The following UPF1 variants were observed in gnomAD, a reference collection of about 807,000 sequenced individuals.
UPF1 encodes UPF1 RNA helicase and ATPase.
A neutral mutation model predicts 129.2 loss-of-function variants in UPF1; 9 were observed. The ratio of observed to expected loss-of-function variants is 0.07; its 90% CI spans 0.04 to 0.12. UPF1 has a LOEUF of 0.12. Among genes scored for constraint, UPF1 ranks in the 10% least tolerant of loss-of-function variants. UPF1 has a pLI of 1.00. For synonymous variants in UPF1, 649 were observed against 644.9 expected, an observed-to-expected ratio of 1.01 and a Z score of -0.10; for missense variants, 788 against 1,525.3, an observed-to-expected ratio of 0.52 and a Z score of 8.05.
chr19:18,855,333 CACACCGA>C, intron 11 of UPF1, 91 bp downstream of exon 11: 4 of 1,424,426 alleles, frequency 2.8e-6, no homozygotes, highest in Non-Finnish European at 3.8e-6. Flanking sequence ...TGGGCTCTGT[CACACCGA>C]AGAGAGCACG....
At position 18,867,943 on chromosome 19, in the gene UPF1, C is replaced by G. The variant is rs1268492304; in HGVS notation, c.*1426C>G. 1 of 152,904 alleles carries G rather than the reference C, an allele frequency of 6.5e-6. No individual in the cohort carries two copies. Among genetic ancestry groups the G allele is most frequent in the Non-Finnish European group, 1.5e-5 (1 of 68,524 alleles). 9.5% of individuals were successfully genotyped at this position (152,904 alleles called of 1,614,324 possible). On this transcript the variant is annotated 3_prime_UTR_variant, in exon 24 of 24. Transcript: ENST00000262803. ...TTCTGGCAGGGACTCTTATTTATTC[C>G]CATTGCTCTAGGGCTTTCGGTTTCC... is the stretch of plus-strand genomic sequence containing the variant.
intron 1 of UPF1, among the ~76,000 whole-genome samples, chr19:18,842,947 A>G (rs2055557076): frequency 6.6e-6 from 1 of 151,936 alleles, no homozygotes; most frequent in Non-Finnish European, 1.5e-5. Context: ...AGATCGCGCC[A>G]TTGCACTCCA....
At chr19:18,858,729 A>T (rs2055745012) in intron 15 of UPF1, among the ~76,000 whole-genome samples, 2 of 152,120 alleles carry the variant, frequency 1.3e-5, no homozygotes, top group Admixed American at 1.3e-4. Flanking sequence ...ATTCAGCCAG[A>T]TAGTAAGGAG....
intron 11 of UPF1, chr19:18,855,469 A>G (rs998861457): frequency 1.7e-6 from 1 of 600,776 alleles, no homozygotes; most frequent in Non-Finnish European, 2.9e-6. Context: ...AACTGGGGGC[A>G]GGGGGGGCAT....
intron 15 of UPF1, chr19:18,859,485 A>G (rs1012357411): frequency 1.3e-5 from 2 of 152,186 alleles, no homozygotes; most frequent in African/African-American, 2.4e-5. Context: ...GTGCGCATCC[A>G]CAGCAGCCCC....
At chr19:18,837,817 C>A (rs1038623676) in intron 1 of UPF1, among the ~76,000 whole-genome samples, 7 of 152,138 alleles carry the variant, frequency 4.6e-5, no homozygotes, top group Non-Finnish European at 8.8e-5. Flanking sequence ...ATAGTCATCT[C>A]GTACTGGGAT....
intron 1 of UPF1, among the ~76,000 whole-genome samples, chr19:18,834,377 A>T (rs1438650816): frequency 6.6e-6 from 1 of 152,174 alleles, no homozygotes; most frequent in Non-Finnish European, 1.5e-5. Flanking sequence ...GGCAGCCTTT[A>T]GTTCTGCTTT....
At chr19:18,842,112 T>C (rs564048919) in intron 1 of UPF1, among the ~76,000 whole-genome samples, 250 of 152,034 alleles carry the variant, frequency 1.6e-3, no homozygotes, top group Non-Finnish European at 3.1e-3. Context: ...AATAAAGGAA[T>C]GGAGAGCCTG....
rs1601110847 is a variant in UPF1, at chr19:18,851,131, T to G, written c.810+263T>G. ...TGGAATTTTTCTTGTCTTGCCGGGG[T>G]GAGGATGGGTGGTGGGAGGGGAAGA... is the stretch of plus-strand genomic sequence containing the variant. On this transcript the variant is annotated intron_variant, in intron 5 of 23. Transcript: ENST00000262803. This position sits in a 1 kb window ranked among gnomAD's most constrained non-coding sequence, Gnocchi z 4.2. 1 of 357,694 alleles carries G rather than the reference T, an allele frequency of 2.8e-6. No homozygotes were observed. Among genetic ancestry groups the G allele is most frequent in the Non-Finnish European group, 5.1e-6 (1 of 196,914 alleles). 22.2% of individuals were successfully genotyped at this position (357,694 alleles called of 1,614,324 possible).
chr19:18,852,757 G>A (rs2055674597), intron 6 of UPF1, among the ~76,000 whole-genome samples: 1 of 151,718 alleles, frequency 6.6e-6, no homozygotes, highest in Non-Finnish European at 1.5e-5. Context: ...CCTCTGGTGT[G>A]CGGTGAAGCC....
At chr19:18,844,441 A>G (rs1244358026) in intron 1 of UPF1, among the ~76,000 whole-genome samples, 2 of 151,294 alleles carry the variant, frequency 1.3e-5, no homozygotes, top group Admixed American at 1.3e-4. Context: ...CTCCTGTCTC[A>G]GCCTCCCAAG....
At chr19:18,840,566 C>T (rs2055530745) in intron 1 of UPF1, among the ~76,000 whole-genome samples, 1 of 152,118 alleles carries the variant, frequency 6.6e-6, no homozygotes, top group Admixed American at 6.5e-5. Context: ...GATAGTCTAG[C>T]TTGGCAGAGA....
At chr19:18,854,306 C>T (rs767473415) in intron 8 of UPF1, among the ~76,000 whole-genome samples, 24 of 152,308 alleles carry the variant, frequency 1.6e-4, no homozygotes, top group Admixed American at 6.5e-4. Flanking sequence ...GCTTCGCTGC[C>T]GCCCTCTGCG....
intron 15 of UPF1, among the ~76,000 whole-genome samples, chr19:18,858,780 C>T (rs11667922): frequency 0.03 from 4,548 of 152,166 alleles, 86 homozygotes; most frequent in East Asian, 0.1. Context: ...TCTTACTTAG[C>T]TTATTTTTGG....
chr19:18,864,262 C>T lies in UPF1; in HGVS notation c.2857+11C>T, dbSNP rs2055814592. On this transcript the variant is annotated intron_variant, in intron 20 of 23. Coordinates refer to ENST00000262803, the MANE Select transcript of UPF1 (RefSeq NM_002911.4). ...ATCGGAGCAGCCAGGGTGAGTCGCT[C>T]AGCAGGGGACCTGGCCGACCCCTTG... The T allele has an allele frequency of 1.9e-6, 3 of 1,607,646 alleles. No individual in the cohort carries two copies. The highest frequency in any genetic ancestry group is 1.1e-5 in the South Asian group (1 of 90,756).
In UPF1 at chr19:18,866,147, G is replaced by C. The variant is rs1490604522; in HGVS notation, c.3341G>C (p.Gly1114Ala). 6.2e-7 allele frequency: 1 copy of C among 1,606,584 alleles called. No individual in the cohort carries two copies. Among genetic ancestry groups the C allele is most frequent in the Non-Finnish European group, 8.5e-7 (1 of 1,176,580 alleles). ...GCTTACCAGCATGGCGGGGTGACGG[G>C]GCTGTCCCAGTATTAAAAGGCAAGC... Reference protein sequence around the residue: ...ERAYQHGGVTGLSQY With the variant: ...ERAYQHGGVTALSQY Residue 1114 changes from glycine (G) to alanine (A), a missense_variant, in exon 23 of 24, where the codon GGG becomes GCG. Around this residue, in one of 6 missense-constraint regions of UPF1, gnomAD observed 218 missense variants for 318.1 expected, o/e 0.69. Transcript: ENST00000262803.
chr19:18,832,239 G>A lies in UPF1; in HGVS notation c.30G>A (p.Ser10=). MSVEAYGPS[S]QTLTFLDTEE... Reference sequence around the variant, plus strand: ...GCGTGGAGGCGTACGGGCCCAGCTCGCAGACTCTCACTTTCCTGGACACGG... The same window carrying A: ...GCGTGGAGGCGTACGGGCCCAGCTCACAGACTCTCACTTTCCTGGACACGG... Residue 10 remains serine, a synonymous_variant, in exon 1 of 24, where the codon TCG becomes TCA. Coordinates refer to ENST00000262803, the MANE Select transcript of UPF1 (RefSeq NM_002911.4). This position sits in a 1 kb window ranked among gnomAD's most constrained non-coding sequence, Gnocchi z 5.6. The A allele has an allele frequency of 1.3e-6, 2 of 1,548,510 alleles. No individual in the cohort carries two copies. Among genetic ancestry groups the A allele is most frequent in the Admixed American group, 1.9e-5 (1 of 53,286 alleles).
chr19:18,833,119 T>G (rs1010237582), intron 1 of UPF1: 3 of 152,340 alleles, frequency 2.0e-5, no homozygotes, highest in Non-Finnish European at 4.4e-5. Context: ...CTCCCATCTG[T>G]GGTCGCAGCC....
At chr19:18,855,394 A>C in intron 11 of UPF1, 152 bp downstream of exon 11, 1 of 806,420 alleles carries the variant, frequency 1.2e-6, no homozygotes, top group Non-Finnish European at 1.9e-6. Context: ...TCTATGTGAC[A>C]TTATTCGTGT....
Sources: allele counts gnomAD v4.1 joint callset (sites outside exome capture counted in the v4.1 genomes callset), GRCh38; gene constraint gnomAD v4.1.1; regional missense constraint gnomAD v4.1.1; non-coding constraint Gnocchi (gnomAD v3.1); transcripts MANE v1.5; gene names NCBI Gene and HGNC (gene_info 2026-07-23, HGNC 2026-07-21).